The following SLC28A1 variants were observed in gnomAD, a reference collection of about 807,000 sequenced individuals.
The protein encoded by SLC28A1 is solute carrier family 28 member 1.
A neutral mutation model predicts 74.8 loss-of-function variants in SLC28A1; 64 were observed. The ratio of observed to expected loss-of-function variants is 0.86; its 90% confidence interval spans 0.70 to 1.05. The LOEUF (loss-of-function observed/expected upper bound fraction) is 1.05, where lower values mean the gene tolerates loss of function less well. Among genes scored for constraint, SLC28A1 ranks in the 50% least tolerant of loss-of-function variants. The pLI is 0.00. For synonymous variants in SLC28A1, 359 were observed against 335.0 expected, an observed-to-expected ratio of 1.07 and a Z score of -0.78; for missense variants, 828 against 822.8, an observed-to-expected ratio of 1.01 and a Z score of -0.08.
the SLC28A1 span, among the ~76,000 whole-genome samples, chr15:84,966,313 C>G: frequency 3.9e-5 from 6 of 151,992 alleles, no homozygotes; most frequent in Non-Finnish European, 7.4e-5. Context: ...GTGATCTGCC[C>G]GCCTCAGCCT....
rs1036534230 is a variant in SLC28A1, at chr15:84,925,544, G to C, written c.1083+1434G>C. Among the ~76,000 whole-genome samples the C allele has an allele frequency of 2.0e-5, 3 of 152,118 alleles. No homozygotes were observed. In the East Asian group the frequency reaches 5.8e-4, roughly 29 times the overall value. On this transcript the variant is annotated intron_variant, in intron 12 of 18. Transcript: ENST00000394573. ...GAAACTGGGAGGCGGAGGTTGCAGT[G>C]AACTGAGATCGCACCACTGCACAGT...
rs139494871 is a variant in SLC28A1, at chr15:84,893,804, A to T, written c.278-1136A>T. ...TAGGGCCCTGCTTGCCACGCACCAC[A>T]CGGGCATTCCTCTCTCTGCAGTCCT... On this transcript the variant is annotated intron_variant, in intron 5 of 18. Transcript: ENST00000394573. Among the ~76,000 whole-genome samples the T allele has an allele frequency of 3.3e-5, 5 of 152,180 alleles. No homozygotes were observed. The East Asian group carries it at 9.7e-4, about 29-fold the overall frequency.
chr15:84,905,684 T>G, intron 8 of SLC28A1, 32 bp downstream of exon 8: 1 of 1,465,346 alleles, frequency 6.8e-7, no homozygotes, highest in Non-Finnish European at 9.6e-7. Context: ...GCCCAGAGCA[T>G]CTTAGATTAC....
chr15:84,904,135 G>T lies in SLC28A1; in HGVS notation c.500G>T (p.Trp167Leu). The T allele has an allele frequency of 6.2e-7, 1 of 1,614,172 alleles. No individual in the cohort carries two copies. The highest frequency in any genetic ancestry group is 1.7e-4 in the Middle Eastern group (1 of 6,060). Residue 167 changes from tryptophan to leucine, a missense_variant, in exon 7 of 19, where the codon TGG becomes TTG. Trp to Leu is a moderately conservative substitution (Grantham distance 61, BLOSUM62 -2). Coordinates refer to ENST00000394573, the MANE Select transcript of SLC28A1 (RefSeq NM_004213.5). ...GCTGCTTTCCTGGGCCTGGTCCTGT[G>T]GCTGTCTCTGGACACCTCCCAGCGG... ...ALAAFLGLVL[W>L]LSLDTSQRPE...
Position 84,935,019 on chromosome 15 carries a change from A to G in SLC28A1, c.1215-7A>G. ...CCAGTAATGATCATTCTTGATCCCA[A>G]CAACAGAGATGCTCAGAACCTCATA... On this transcript the variant is annotated splice_polypyrimidine_tract_variant and splice_region_variant and intron_variant, in intron 13 of 18. Transcript: ENST00000394573. 1 of 1,613,752 alleles carries G rather than the reference A, an allele frequency of 6.2e-7. No individual in the cohort carries two copies. Among genetic ancestry groups the G allele is most frequent in the Non-Finnish European group, 8.5e-7 (1 of 1,179,638 alleles).
the SLC28A1 span, among the ~76,000 whole-genome samples, chr15:84,959,789 C>G: frequency 2.6e-5 from 4 of 152,262 alleles, no homozygotes; most frequent in African/African-American, 9.6e-5. Flanking sequence ...TCTGGACCCT[C>G]CATTCCTTTT....
chr15:84,947,787 C>T (rs938927988), downstream of SLC28A1, among the ~76,000 whole-genome samples: 2 of 152,148 alleles, frequency 1.3e-5, no homozygotes, highest in African/African-American at 4.8e-5. Flanking sequence ...AAAGACCCCC[C>T]CTCCTAATAC....
chr15:84,950,359 CTTTTTT>C (rs571049176), downstream of SLC28A1, among the ~76,000 whole-genome samples: 44,219 of 127,258 alleles, frequency 0.35, 8,686 homozygotes, highest in East Asian at 0.71. Context: ...CGCCAGTCTC[CTTTTTT>C]TTTTTTTTTT....
At chr15:84,956,468 C>CTTTCCTTCTTTCT in the SLC28A1 span, among the ~76,000 whole-genome samples, 82 of 67,122 alleles carry the variant, frequency 1.2e-3, no homozygotes, top group African/African-American at 3.5e-3. Context: ...TCTTTCTTTC[C>CTTTCCTTCTTTCT]TTCTTTCTTT....
chr15:84,912,822 A>C (rs796274984), intron 9 of SLC28A1, among the ~76,000 whole-genome samples: 1 of 131,878 alleles, frequency 7.6e-6, no homozygotes, highest in African/African-American at 2.6e-5. Flanking sequence ...ACACACACAC[A>C]CACACACACA....
At chr15:84,939,646 C>T (rs1406338612) in intron 15 of SLC28A1, 3 of 151,646 alleles carry the variant, frequency 2.0e-5, no homozygotes, top group Non-Finnish European at 2.9e-5. Context: ...TGAATTTGTG[C>T]GTCATCCTCA....
At chr15:84,952,458 G>A in the SLC28A1 span, among the ~76,000 whole-genome samples, 1 of 152,198 alleles carries the variant, frequency 6.6e-6, no homozygotes, top group African/African-American at 2.4e-5. Context: ...GACTCCATGT[G>A]CTTCAGTGAC....
In SLC28A1 at chr15:84,884,674, G is replaced by C. The variant is rs1190403515; in HGVS notation, c.-210G>C. ...AGATTAGGGCCCACAACGATGTGAA[G>C]GTTATAAGCTGCACTGCATGGTTGC... On this transcript the variant is annotated 5_prime_UTR_variant, in exon 1 of 19. Transcript: ENST00000394573. The C allele has an allele frequency of 2.0e-5, 20 of 982,592 alleles. No homozygotes were observed. The highest frequency in any genetic ancestry group is 2.2e-5 in the Non-Finnish European group (18 of 827,228). The allele number at this position is 982,592 out of a possible 1,614,324, so 60.9% of individuals were successfully genotyped here.
At position 84,886,804 on chromosome 15, in the gene SLC28A1, C is replaced by T. The variant is rs1964651145; in HGVS notation, c.-17+17C>T. ...CGCAAATACGTGAGTAGAAACAGGG[C>T]CCCGCTTCTGTGTGCGCTGCTGTGC... On this transcript the variant is annotated intron_variant, in intron 2 of 18. Transcript: ENST00000394573. 1 of 980,036 alleles carries T rather than the reference C, an allele frequency of 1.0e-6. No homozygotes were observed. Among genetic ancestry groups the T allele is most frequent in the African/African-American group, 1.7e-5 (1 of 57,276 alleles). The allele number at this position is 980,036 out of a possible 1,614,324, so 60.7% of individuals were successfully genotyped here. A position where few individuals can be genotyped will look rare whatever the true frequency, so the allele number is the denominator to read the frequency against.
In SLC28A1 at chr15:84,887,783, G is replaced by T; in HGVS notation, c.23G>T (p.Arg8Leu). 1 of 1,614,024 alleles carries T rather than the reference G, an allele frequency of 6.2e-7. No individual in the cohort carries two copies. Among genetic ancestry groups the T allele is most frequent in the Non-Finnish European group, 8.5e-7 (1 of 1,179,888 alleles). The change falls in exon 3 of 19, where the codon CGA becomes CTA. Residue 8 changes from arginine to leucine, a missense_variant. By Grantham distance (102) the Arg-to-Leu change is moderately radical (BLOSUM62 -2). Coordinates refer to ENST00000394573, the MANE Select transcript of SLC28A1 (RefSeq NM_004213.5). ...GACATGGAGAACGACCCCTCGAGAC[G>T]AAGAGAGTCCATCTCTCTCACACCT... is the stretch of plus-strand genomic sequence containing the variant. MENDPSR[R>L]RESISLTPVA...
In SLC28A1 at chr15:84,906,051, G is replaced by A. The variant is rs190830862; in HGVS notation, c.717+399G>A. ...TTTTTTTCTTTCAAGAAGGAGTCTC[G>A]CTTTGTCACCCAGGCTGGAGTGCAG... is the stretch of plus-strand genomic sequence containing the variant. On this transcript the variant is annotated intron_variant, in intron 8 of 18. Transcript: ENST00000394573. Among the ~76,000 whole-genome samples, 588 of 141,112 alleles carry A rather than the reference G, an allele frequency of 4.2e-3. 12 individuals carry two copies. The highest frequency in any genetic ancestry group is 0.014 in the African/African-American group (536 of 37,944). The allele number at this position is 141,112 out of a possible 152,430, so 92.6% of individuals were successfully genotyped here.
intron 8 of SLC28A1, among the ~76,000 whole-genome samples, chr15:84,907,081 G>A (rs1476694683): frequency 6.6e-6 from 1 of 152,170 alleles, no homozygotes; most frequent in Non-Finnish European, 1.5e-5. Context: ...CCTTATAAAG[G>A]TCACAGCTGA....
rs942942897 is a variant in SLC28A1 at position 84,884,665 on chromosome 15, C to G, written c.-219C>G. Reference sequence around the variant, plus strand: ...TTGTTGTAGAGATTAGGGCCCACAACGATGTGAAGGTTATAAGCTGCACTG... The same window carrying G: ...TTGTTGTAGAGATTAGGGCCCACAAGGATGTGAAGGTTATAAGCTGCACTG... On this transcript the variant is annotated 5_prime_UTR_variant, in exon 1 of 19. Coordinates refer to ENST00000394573, the MANE Select transcript of SLC28A1 (RefSeq NM_004213.5). 1.1e-5 allele frequency: 11 copies of G among 975,084 alleles called. No individual in the cohort carries two copies. The highest frequency in any genetic ancestry group is 1.8e-5 in the African/African-American group (1 of 56,998). 60.4% of individuals were successfully genotyped at this position (975,084 alleles called of 1,614,324 possible).
At chr15:84,900,172 A>T (rs895925974) in intron 6 of SLC28A1, among the ~76,000 whole-genome samples, 1 of 151,888 alleles carries the variant, frequency 6.6e-6, no homozygotes, top group Non-Finnish European at 1.5e-5. Context: ...TATATATAAA[A>T]AAATTAGCCA....
Sources: gnomAD v4.1 joint callset for allele counts (sites outside exome capture counted in the v4.1 genomes callset) on GRCh38, gnomAD v4.1.1 for gene constraint, MANE v1.5 for transcripts, NCBI Gene and HGNC (gene_info 2026-07-23, HGNC 2026-07-21) for gene names.